Variants in SYNJ2 observed in about 807,000 individuals in gnomAD.
SYNJ2 encodes polyphosphatidylinositol phosphatase SYNJ2.
A neutral mutation model predicts 141.3 loss-of-function variants in SYNJ2; 116 were observed. The observed-to-expected ratio is 0.82, with a 90% CI of 0.71 to 0.96. The LOEUF is 0.96. Among genes scored for constraint, SYNJ2 ranks in the 40% least tolerant of loss-of-function variants. SYNJ2 has a pLI of 0.00. For synonymous variants in SYNJ2, 745 were observed against 777.7 expected (o/e 0.96, Z 0.70); for missense variants, 1,873 against 1,934.8 (o/e 0.97, Z 0.60).
At chr6:157,991,372 G>A (rs183740992) in intron 1 of SYNJ2, among the ~76,000 whole-genome samples, 25 of 152,290 alleles carry the variant, frequency 1.6e-4, no homozygotes, top group Admixed American at 1.5e-3. Context: ...TTGGCTCTGG[G>A]GTGGGCCTTG....
chr6:158,066,459 TG>T lies in SYNJ2; in HGVS notation c.1542del (p.Ala516LeufsTer2). 1 of 1,614,182 alleles carries T rather than the reference TG, an allele frequency of 6.2e-7. No homozygotes were observed. Among genetic ancestry groups the T allele is most frequent in the Non-Finnish European group, 8.5e-7 (1 of 1,180,024 alleles). On this transcript the variant is annotated frameshift_variant, in exon 12 of 27. Coordinates refer to ENST00000355585, the MANE Select transcript of SYNJ2 (RefSeq NM_003898.4). LOFTEE classifies it high-confidence loss of function. ...STALLVTPRI[L>X]KAMTERQSEF... ...CTCCTGACAGTGACTCCCAGGATCC[TG>T]AAAGCTATGACTGAGCGTCAGTCCG...
intron 1 of SYNJ2, among the ~76,000 whole-genome samples, chr6:158,003,834 T>C (rs562490936): frequency 1.0e-3 from 154 of 152,254 alleles, no homozygotes; most frequent in African/African-American, 3.2e-3. Context: ...CCAGAATCCA[T>C]GAGCCACATT....
chr6:158,026,502 G>C (rs1779056141), intron 2 of SYNJ2, among the ~76,000 whole-genome samples: 2 of 152,016 alleles, frequency 1.3e-5, no homozygotes, highest in South Asian at 2.1e-4. Context: ...TCACTCCCCT[G>C]TACCACTCCC....
chr6:158,074,520 C>T lies in SYNJ2; in HGVS notation c.2134-60C>T, dbSNP rs1004246724. ...CTTGCCCCAGTGAGCTTGTTTTTCT[C>T]CTCTCTCCCACCTTCCTTGCAAGAT... On this transcript the variant is annotated intron_variant, in intron 15 of 26. Transcript: ENST00000355585. 14 of 1,555,444 alleles carry T rather than the reference C, an allele frequency of 9.0e-6. No individual in the cohort carries two copies. In the African/African-American group the frequency reaches 1.8e-4, roughly 20 times the overall value.
chr6:157,987,847 GA>G (rs1777264539), intron 1 of SYNJ2, among the ~76,000 whole-genome samples: 1 of 152,258 alleles, frequency 6.6e-6, no homozygotes, highest in Non-Finnish European at 1.5e-5. Flanking sequence ...ATGGTGGCAT[GA>G]ACTGATTCTG....
At position 158,081,458 on chromosome 6, in the gene SYNJ2, C is replaced by G; in HGVS notation, c.2813C>G (p.Thr938Ser). The change falls in exon 20 of 27, where the codon ACT becomes AGT. Residue 938 changes from threonine (T) to serine (S), a missense_variant. Transcript: ENST00000355585. ...ATCAACCAAGGGCAGATGCTGGTAA[C>G]TTTTGCAGACAGTCACTCGGCTCTC... ...VRINQGQMLV[T>S]FADSHSALSV... is the part of the protein sequence containing the mutation. The G allele has an allele frequency of 6.2e-7, 1 of 1,614,010 alleles. No individual in the cohort carries two copies. The highest frequency in any genetic ancestry group is 8.5e-7 in the Non-Finnish European group (1 of 1,179,998).
chr6:158,086,759 C>G, intron 22 of SYNJ2, 96 bp from the exon 23 acceptor site: 1 of 1,357,354 alleles, frequency 7.4e-7, no homozygotes, highest in Non-Finnish European at 9.9e-7. Flanking sequence ...TACAGCAGGT[C>G]CCCCTGCCAC....
At chr6:158,031,820 G>T (rs1233428175) in intron 3 of SYNJ2, among the ~76,000 whole-genome samples, 1 of 152,174 alleles carries the variant, frequency 6.6e-6, no homozygotes, top group African/African-American at 2.4e-5. Flanking sequence ...CTGCCAGAGG[G>T]CCAGGCAGTG....
chr6:157,986,220 G>A (rs1777197118), intron 1 of SYNJ2, among the ~76,000 whole-genome samples: 3 of 152,218 alleles, frequency 2.0e-5, no homozygotes, highest in Admixed American at 1.3e-4. Context: ...CTAGAGCAGC[G>A]ACCCGGGACC....
intron 1 of SYNJ2, among the ~76,000 whole-genome samples, chr6:157,994,152 C>T (rs1213320492): frequency 6.6e-6 from 1 of 152,058 alleles, no homozygotes; most frequent in African/African-American, 2.4e-5. Flanking sequence ...TCTGTTTAAA[C>T]TGTCTGTTTT....
chr6:158,088,034 A>ATTTTTTTTTTTTT (rs568222551), intron 23 of SYNJ2, among the ~76,000 whole-genome samples: 3 of 31,918 alleles, frequency 9.4e-5, no homozygotes, highest in East Asian at 1.7e-3. Flanking sequence ...CTGCTTTGGA[A>ATTTTTTTTTTTTT]TTTTTTTTTT....
intron 1 of SYNJ2, among the ~76,000 whole-genome samples, chr6:158,016,804 T>G (rs1778477661): frequency 6.6e-6 from 1 of 152,116 alleles, no homozygotes; most frequent in Non-Finnish European, 1.5e-5. Flanking sequence ...CTCCCCAAGT[T>G]ACCACCTCCA....
intron 25 of SYNJ2, among the ~76,000 whole-genome samples, chr6:158,091,926 A>AGGGACTGGAAGGAGGCCT (rs1319580731): frequency 6.6e-6 from 1 of 152,118 alleles, no homozygotes; most frequent in Non-Finnish European, 1.5e-5. Flanking sequence ...CTTGCTTTCC[A>AGGGACTGGAAGGAGGCCT]GGGACTGGAA....
At chr6:157,999,534 T>C (rs984032688) in intron 1 of SYNJ2, among the ~76,000 whole-genome samples, 2 of 152,236 alleles carry the variant, frequency 1.3e-5, no homozygotes, top group African/African-American at 4.8e-5. Context: ...AGCTTCCAGC[T>C]GAGACCTTGA....
intron 4 of SYNJ2, among the ~76,000 whole-genome samples, chr6:158,038,876 G>A (rs372559172): frequency 6.6e-6 from 1 of 152,240 alleles, no homozygotes; most frequent in Non-Finnish European, 1.5e-5. Flanking sequence ...TGTGCTGCGC[G>A]CAGCCCAGGA....
chr6:158,005,022 T>A (rs1160997312), intron 1 of SYNJ2, among the ~76,000 whole-genome samples: 1 of 150,680 alleles, frequency 6.6e-6, no homozygotes, highest in Non-Finnish European at 1.5e-5. Flanking sequence ...AACATCCCAC[T>A]CTTCTTTCTC....
intron 8 of SYNJ2, among the ~76,000 whole-genome samples, chr6:158,063,260 G>T (rs1395410704): frequency 6.6e-6 from 1 of 152,154 alleles, no homozygotes; most frequent in African/African-American, 2.4e-5. Context: ...CGACCCAGCT[G>T]TGCAGGCTAC....
intron 8 of SYNJ2, 115 bp downstream of exon 8, chr6:158,062,279 G>T: frequency 2.0e-6 from 3 of 1,493,286 alleles, no homozygotes; most frequent in Non-Finnish European, 2.7e-6. Context: ...GGGCCGTGCA[G>T]TCTAGGACAT....
intron 1 of SYNJ2, among the ~76,000 whole-genome samples, chr6:157,996,970 G>C (rs1210963993): frequency 6.6e-6 from 1 of 152,054 alleles, no homozygotes; most frequent in African/African-American, 2.4e-5. Context: ...TGCGAGAACA[G>C]ACTAGTACAC....
Sources: gnomAD v4.1 joint callset for allele counts (sites outside exome capture counted in the v4.1 genomes callset) on GRCh38, gnomAD v4.1.1 for gene constraint, MANE v1.5 for transcripts, NCBI Gene and HGNC (gene_info 2026-07-23, HGNC 2026-07-21) for gene names.